The following DENND1A variants were observed in gnomAD, a reference collection of about 807,000 sequenced individuals.
DENND1A encodes DENN domain containing 1A.
In DENND1A, 51 loss-of-function variants were observed where a neutral mutation model predicts 113.7. That is an observed-to-expected ratio of 0.45 (90% CI 0.36 to 0.57). DENND1A has a LOEUF of 0.57. Ranked by LOEUF, DENND1A falls within the 20% of genes least tolerant of loss-of-function variation. The pLI is 0.00. For synonymous variants in DENND1A, 565 were observed against 570.8 expected, an observed-to-expected ratio of 0.99 and a Z score of 0.14; for missense variants, 1,258 against 1,395.9, an observed-to-expected ratio of 0.90 and a Z score of 1.57.
intron 16 of DENND1A, among the ~76,000 whole-genome samples, chr9:123,454,276 G>A (rs569118166): frequency 2.0e-4 from 30 of 152,298 alleles, no homozygotes; most frequent in African/African-American, 6.7e-4. Context: ...CTTTAGAGAC[G>A]TTGGAAGCCC....
At chr9:123,507,977 T>C (rs1237589166) in intron 13 of DENND1A, among the ~76,000 whole-genome samples, 1 of 152,160 alleles carries the variant, frequency 6.6e-6, no homozygotes, top group Non-Finnish European at 1.5e-5. Context: ...ACAACTTGCT[T>C]TTTATCTTTC....
intron 13 of DENND1A, among the ~76,000 whole-genome samples, chr9:123,520,537 C>T (rs1186502233): frequency 6.6e-6 from 1 of 152,244 alleles, no homozygotes; most frequent in Non-Finnish European, 1.5e-5. Flanking sequence ...ACCCTGAGCT[C>T]ATGAGCAAAG....
intron 13 of DENND1A, among the ~76,000 whole-genome samples, chr9:123,555,340 G>A (rs1331949278): frequency 6.6e-6 from 1 of 152,152 alleles, no homozygotes; most frequent in Non-Finnish European, 1.5e-5. Context: ...TCCTCACAGG[G>A]TAAAGTTCAC....
chr9:123,689,542 A>G (rs1250061928), intron 5 of DENND1A, among the ~76,000 whole-genome samples: 1 of 152,234 alleles, frequency 6.6e-6, no homozygotes, highest in African/African-American at 2.4e-5. Flanking sequence ...AGCACAACAC[A>G]CACATGCACA....
chr9:123,435,277 A>T (rs75927416), intron 19 of DENND1A, among the ~76,000 whole-genome samples: 2 of 152,188 alleles, frequency 1.3e-5, no homozygotes, highest in African/African-American at 4.8e-5. Context: ...GGCATTTGCT[A>T]GCTCGGCATC....
At chr9:123,414,743 A>T (rs536926124) in intron 19 of DENND1A, among the ~76,000 whole-genome samples, 1 of 152,312 alleles carries the variant, frequency 6.6e-6, no homozygotes, top group East Asian at 1.9e-4. Context: ...TCCCCTGGAA[A>T]ATGCTGTCTG....
In DENND1A at chr9:123,764,806, C is replaced by T. The variant is rs1360212464; in HGVS notation, c.182+4708G>A. ...ATGAAGAACCTCAGGGGAGAAGTCA[C>T]TTGCCTCACAGCACAGAGCAGGGCA... On this transcript the variant is annotated intron_variant, in intron 4 of 23. Coordinates refer to ENST00000394215, the MANE Select transcript of DENND1A (RefSeq NM_001352964.2). This position sits in a 1 kb window ranked among gnomAD's most constrained non-coding sequence, Gnocchi z 4.1. 2.6e-5 allele frequency among the ~76,000 whole-genome samples: 4 copies of T among 152,232 alleles called. No homozygotes were observed. Among genetic ancestry groups the T allele is most frequent in the Non-Finnish European group, 5.9e-5 (4 of 68,050 alleles).
intron 13 of DENND1A, among the ~76,000 whole-genome samples, chr9:123,509,605 C>T (rs1026786457): frequency 6.6e-6 from 1 of 152,172 alleles, no homozygotes; most frequent in Non-Finnish European, 1.5e-5. Context: ...CAGTCCTTTA[C>T]TACTCTTGGG....
intron 7 of DENND1A, 47 bp downstream of exon 7, chr9:123,671,244 A>G: frequency 6.2e-7 from 1 of 1,607,188 alleles, no homozygotes; most frequent in Non-Finnish European, 8.5e-7. Flanking sequence ...CTTACTGTCA[A>G]TAATGAAATG....
intron 19 of DENND1A, among the ~76,000 whole-genome samples, chr9:123,416,724 C>T (rs1437816937): frequency 6.6e-6 from 1 of 152,184 alleles, no homozygotes; most frequent in East Asian, 1.9e-4. Context: ...GAGTTTTCTT[C>T]GATGGTCAAC....
chr9:123,804,282 A>G (rs977052300), intron 2 of DENND1A, among the ~76,000 whole-genome samples: 1 of 152,208 alleles, frequency 6.6e-6, no homozygotes, highest in Middle Eastern at 3.2e-3. Flanking sequence ...AGGCCTCCCC[A>G]GGCATGTGGA....
At chr9:123,882,582 T>A (rs1327163404) in intron 1 of DENND1A, among the ~76,000 whole-genome samples, 1 of 152,192 alleles carries the variant, frequency 6.6e-6, no homozygotes, top group Non-Finnish European at 1.5e-5. Flanking sequence ...TAGATCACTA[T>A]CATATCACCT....
chr9:123,796,817 CCT>C (rs1833856729), intron 2 of DENND1A, among the ~76,000 whole-genome samples: 1 of 149,928 alleles, frequency 6.7e-6, no homozygotes, highest in African/African-American at 2.5e-5. Context: ...TTCCTGTTTC[CCT>C]CTGTCATACC....
At chr9:123,667,118 A>G (rs1182681833) in intron 7 of DENND1A, 39 bp from the exon 8 acceptor site, 4 of 1,554,218 alleles carry the variant, frequency 2.6e-6, no homozygotes, top group African/African-American at 2.8e-5. Context: ...TTCTGCTAAA[A>G]TGTGTAACAA....
chr9:123,577,158 T>G (rs1007966253), intron 12 of DENND1A, among the ~76,000 whole-genome samples: 14 of 152,214 alleles, frequency 9.2e-5, no homozygotes, highest in African/African-American at 3.4e-4. Flanking sequence ...TGAGTTTTGT[T>G]AACTTTTTCC....
chr9:123,683,102 T>C (rs2064577474), intron 5 of DENND1A, among the ~76,000 whole-genome samples: 1 of 152,170 alleles, frequency 6.6e-6, no homozygotes, highest in Non-Finnish European at 1.5e-5. Context: ...CAAACATCTA[T>C]AATAAAATGC....
chr9:123,606,171 T>TA (rs2060147380), intron 11 of DENND1A, among the ~76,000 whole-genome samples: 1 of 152,194 alleles, frequency 6.6e-6, no homozygotes, highest in South Asian at 2.1e-4. Context: ...ACTCGGAATC[T>TA]GAGCTGAAAT....
At position 123,565,635 on chromosome 9, in the gene DENND1A, G is replaced by A. The variant is rs117864861; in HGVS notation, c.868-7940C>T. On this transcript the variant is annotated intron_variant, in intron 12 of 23. Coordinates refer to ENST00000394215, the MANE Select transcript of DENND1A (RefSeq NM_001352964.2). ...CAAGGCTTTTTTCTAAAGTCCCATA[G>A]GGAATGTGTGCGTCTGGAGAGGGGA... 2.6e-4 allele frequency among the ~76,000 whole-genome samples: 40 copies of A among 152,266 alleles called. No individual in the cohort carries two copies. In the East Asian group the frequency reaches 4.8e-3, roughly 18 times the overall value.
intron 2 of DENND1A, among the ~76,000 whole-genome samples, chr9:123,816,862 T>C (rs1837581499): frequency 6.6e-6 from 1 of 152,170 alleles, no homozygotes; most frequent in African/African-American, 2.4e-5. Flanking sequence ...AGAGGCACTG[T>C]AAATGCAGAC....
Sources: allele counts gnomAD v4.1 joint callset (sites outside exome capture counted in the v4.1 genomes callset), GRCh38; gene constraint gnomAD v4.1.1; non-coding constraint Gnocchi (gnomAD v3.1); transcripts MANE v1.5; gene names NCBI Gene and HGNC (gene_info 2026-07-23, HGNC 2026-07-21).